CAMSAP3: variants seen among roughly 807,000 people sequenced by gnomAD.
CAMSAP3 encodes the protein calmodulin regulated spectrin associated protein family member 3, also known as calmodulin-regulated spectrin-associated protein 3.
Under a neutral mutation model 112.5 loss-of-function variants are expected in CAMSAP3, and 34 were observed. The ratio of observed to expected loss-of-function variants is 0.30; its 90% CI spans 0.23 to 0.40. The LOEUF (loss-of-function observed/expected upper bound fraction) is 0.40, where lower values mean the gene tolerates loss of function less well. Ranked by LOEUF, CAMSAP3 falls within the 10% of genes least tolerant of loss-of-function variation. CAMSAP3 has a pLI of 1.00. For missense variants in CAMSAP3, 1,602 were observed against 1,770.3 expected, an observed-to-expected ratio of 0.90 and a Z score of 1.71; for synonymous variants, 868 against 799.8, an observed-to-expected ratio of 1.09 and a Z score of -1.44.
At chr19:7,614,341 GTTTTC>G (rs2030671001) in intron 11 of CAMSAP3, among the ~76,000 whole-genome samples, 1 of 113,878 alleles carries the variant, frequency 8.8e-6, no homozygotes, top group Non-Finnish European at 1.9e-5. Flanking sequence ...TTTTTGTTTT[GTTTTC>G]TTTTGTTTTT....
intron 1 of CAMSAP3, among the ~76,000 whole-genome samples, chr19:7,604,297 G>A (rs375135251): frequency 1.3e-5 from 2 of 152,028 alleles, no homozygotes; most frequent in African/African-American, 4.8e-5. Context: ...TCCACCTGGG[G>A]CTTCCTCACG....
intron 1 of CAMSAP3, among the ~76,000 whole-genome samples, chr19:7,596,621 T>TCGAG (rs1240623985): frequency 2.0e-5 from 3 of 152,010 alleles, no homozygotes; most frequent in African/African-American, 7.2e-5. Flanking sequence ...CTGGGGGGTC[T>TCGAG]CGAGCGCTCC....
At position 7,617,550 on chromosome 19, in the gene CAMSAP3, G is replaced by T. The variant is rs527872774; in HGVS notation, c.3333G>T (p.Arg1111=). 14 of 1,614,048 alleles carry T rather than the reference G, an allele frequency of 8.7e-6. No homozygotes were observed. In the African/African-American group the frequency reaches 1.7e-4, roughly 20 times the overall value. ...CACTGCCTCACCCTCTAGGTCCACG[G>T]CTGTACAAAGAACCCAGCGCCAAGT... ...PASVPEYTGP[R]LYKEPSAKSN... Residue 1111 remains arginine (R), a synonymous_variant, in exon 16 of 17, where the codon CGG becomes CGT. Coordinates refer to ENST00000160298, the MANE Select transcript of CAMSAP3 (RefSeq NM_020902.2). The surrounding 1 kb of genome is among the most constrained non-coding windows in gnomAD (Gnocchi z 7.5).
chr19:7,607,133 CCTT>C lies in CAMSAP3; in HGVS notation c.621+563_621+565del. Among the ~76,000 whole-genome samples, 1 of 152,278 alleles carries C rather than the reference CCTT, an allele frequency of 6.6e-6. No individual in the cohort carries two copies. The highest frequency in any genetic ancestry group is 1.5e-5 in the Non-Finnish European group (1 of 68,020). On this transcript the variant is annotated intron_variant, in intron 4 of 16. Coordinates refer to ENST00000160298, the MANE Select transcript of CAMSAP3 (RefSeq NM_020902.2). The surrounding 1 kb of genome is among the most constrained non-coding windows in gnomAD (Gnocchi z 4.9). ...GGGTGGGACCCCCTGAACCTGTCCCCCTTAGCCGAGGTGGGGAGACCACATAAA... is the reference window on the plus strand; with the variant it reads ...GGGTGGGACCCCCTGAACCTGTCCCCAGCCGAGGTGGGGAGACCACATAAA...
chr19:7,611,206 C>A lies in CAMSAP3; in HGVS notation c.1123+38C>A. 1 of 1,598,636 alleles carries A rather than the reference C, an allele frequency of 6.3e-7. No individual in the cohort carries two copies. Among genetic ancestry groups the A allele is most frequent in the South Asian group, 1.1e-5 (1 of 90,586 alleles). ...TAGGTGGCTTCTGTCACGGGGGACCCCCCCACTCACAGACTGCCCCAGTGG... is the reference window on the plus strand; with the variant it reads ...TAGGTGGCTTCTGTCACGGGGGACCACCCCACTCACAGACTGCCCCAGTGG... On this transcript the variant is annotated intron_variant, in intron 9 of 16. Transcript: ENST00000160298. This position sits in a 1 kb window ranked among gnomAD's most constrained non-coding sequence, Gnocchi z 6.9.
intron 1 of CAMSAP3, among the ~76,000 whole-genome samples, chr19:7,602,400 T>C (rs898170898): frequency 1.3e-5 from 2 of 152,140 alleles, no homozygotes; most frequent in Admixed American, 6.5e-5. Flanking sequence ...TTGTTTCTTG[T>C]TTTTCATCTT....
rs1209949466 is a variant in CAMSAP3 at position 7,607,812 on chromosome 19, TC to T, written c.622-308del. ...TCCCCCTTGCTGATGGCTGCTCCTC[TC>T]CCCCCAGCACGCAATTGCCTTCTGT... On this transcript the variant is annotated intron_variant, in intron 4 of 16. Coordinates refer to ENST00000160298, the MANE Select transcript of CAMSAP3 (RefSeq NM_020902.2). The surrounding 1 kb of genome is among the most constrained non-coding windows in gnomAD (Gnocchi z 4.9). 57 of 1,284,758 alleles carry T rather than the reference TC, an allele frequency of 4.4e-5. No individual in the cohort carries two copies. Among genetic ancestry groups the T allele is most frequent in the Non-Finnish European group, 5.5e-5 (52 of 947,474 alleles). The allele number at this position is 1,284,758 out of a possible 1,614,324, so 79.6% of individuals were successfully genotyped here. A position where few individuals can be genotyped will look rare whatever the true frequency, so the allele number is the denominator to read the frequency against.
At position 7,607,514 on chromosome 19, in the gene CAMSAP3, C is replaced by A. The variant is rs1599352132; in HGVS notation, c.622-612C>A. Among the ~76,000 whole-genome samples the A allele has an allele frequency of 6.6e-6, 1 of 152,198 alleles. No homozygotes were observed. The highest frequency in any genetic ancestry group is 2.1e-4 in the South Asian group (1 of 4,838). ...CCCCACCTTTGCTCACTCCTTCCCC[C>A]ACCCTGGGGCCTGGGTTGGGAGGTT... On this transcript the variant is annotated intron_variant, in intron 4 of 16. Coordinates refer to ENST00000160298, the MANE Select transcript of CAMSAP3 (RefSeq NM_020902.2). The surrounding 1 kb of genome is among the most constrained non-coding windows in gnomAD (Gnocchi z 4.9).
At position 7,607,988 on chromosome 19, in the gene CAMSAP3, G is replaced by A. The variant is rs1003748216; in HGVS notation, c.622-138G>A. The A allele has an allele frequency of 2.8e-5, 30 of 1,053,706 alleles. No individual in the cohort carries two copies. The African/African-American group carries it at 4.2e-4, about 15-fold the overall frequency. 65.3% of individuals were successfully genotyped at this position (1,053,706 alleles called of 1,614,324 possible). ...GCTGCCCCTCCCCTGCTCCAGGCTG[G>A]CCCCCCAACTCTGTCTCTGGGACCC... On this transcript the variant is annotated intron_variant, in intron 4 of 16. Transcript: ENST00000160298. This position sits in a 1 kb window ranked among gnomAD's most constrained non-coding sequence, Gnocchi z 4.9.
chr19:7,616,946 T>TTTTG (rs2030831275), intron 14 of CAMSAP3, among the ~76,000 whole-genome samples: 1 of 130,948 alleles, frequency 7.6e-6, no homozygotes. Flanking sequence ...TTTTTTTTTT[T>TTTTG]TTTTTTTTTT....
chr19:7,603,786 T>C (rs1246243023), intron 1 of CAMSAP3, among the ~76,000 whole-genome samples: 2 of 152,018 alleles, frequency 1.3e-5, no homozygotes, highest in African/African-American at 4.8e-5. Flanking sequence ...AGAGTTCAGG[T>C]TGCAGTGAGC....
In CAMSAP3 at chr19:7,596,044, G is replaced by T. The variant is rs2024430306; in HGVS notation, c.42G>T (p.Arg14Ser). Residue 14 changes from arginine to serine, a missense_variant, in exon 1 of 17, where the codon AGG (arginine) becomes AGT (serine). Physicochemically the swap from Arg to Ser is moderately radical, Grantham distance 110 (BLOSUM62 -1). Around this residue, in one of 6 missense-constraint regions of CAMSAP3, gnomAD observed 147 missense variants for 144.6 expected, o/e 1.02. Coordinates refer to ENST00000160298, the MANE Select transcript of CAMSAP3 (RefSeq NM_020902.2). ...AAPPGPGPLR[R>S]TFLVPEIKSL... is the part of the protein sequence containing the mutation. ...CCCCCGGGCCCGGGCCGCTGCGGAG[G>T]ACCTTTCTAGTGCCCGAGATCAAGT... 1.6e-6 allele frequency: 2 copies of T among 1,255,658 alleles called. No homozygotes were observed. Among genetic ancestry groups the T allele is most frequent in the Non-Finnish European group, 2.1e-6 (2 of 973,166 alleles). The allele number at this position is 1,255,658 out of a possible 1,614,324, so 77.8% of individuals were successfully genotyped here.
intron 2 of CAMSAP3, 121 bp from the exon 3 acceptor site, chr19:7,606,150 A>AACCCCCCCCC: frequency 1.1e-5 from 3 of 265,230 alleles, no homozygotes; most frequent in South Asian, 3.3e-5. Flanking sequence ...CGCCCCCTCA[A>AACCCCCCCCC]GCCCCACCCC....
At chr19:7,600,597 C>A (rs1469919624) in intron 1 of CAMSAP3, among the ~76,000 whole-genome samples, 1 of 35,472 alleles carries the variant, frequency 2.8e-5, no homozygotes, top group African/African-American at 1.3e-4. Flanking sequence ...CATCCATCCA[C>A]CAACCCACCC....
chr19:7,601,132 C>G (rs2029947934), intron 1 of CAMSAP3, among the ~76,000 whole-genome samples: 1 of 152,038 alleles, frequency 6.6e-6, no homozygotes, highest in African/African-American at 2.4e-5. Flanking sequence ...GGTCCAAAAA[C>G]AAACAACAAA....
At position 7,611,675 on chromosome 19, in the gene CAMSAP3, C is replaced by A; in HGVS notation, c.1194-12C>A. On this transcript the variant is annotated splice_polypyrimidine_tract_variant and intron_variant, in intron 10 of 16. Transcript: ENST00000160298. This position sits in a 1 kb window ranked among gnomAD's most constrained non-coding sequence, Gnocchi z 6.9. ...TGGTCCCAGGGGCTGACCCCTCCCT[C>A]CGGCCGCCCAGCCGTCCCCTCTCCC... The A allele has an allele frequency of 6.4e-7, 1 of 1,565,948 alleles. No individual in the cohort carries two copies.
rs1183169373 is a variant in CAMSAP3 at position 7,607,202 on chromosome 19, C to G, written c.621+631C>G. On this transcript the variant is annotated intron_variant, in intron 4 of 16. Transcript: ENST00000160298. This position sits in a 1 kb window ranked among gnomAD's most constrained non-coding sequence, Gnocchi z 4.9. ...CCTGCAGCCCATCACAAACGTGGATCCTGACCCTAGCAGGCAGGGCACCCT... is the reference window on the plus strand; with the variant it reads ...CCTGCAGCCCATCACAAACGTGGATGCTGACCCTAGCAGGCAGGGCACCCT... Among the ~76,000 whole-genome samples, 2 of 152,124 alleles carry G rather than the reference C, an allele frequency of 1.3e-5. No homozygotes were observed. The highest frequency in any genetic ancestry group is 4.8e-5 in the African/African-American group (2 of 41,424).
chr19:7,604,204 C>G (rs1446145266), intron 1 of CAMSAP3, among the ~76,000 whole-genome samples: 1 of 152,110 alleles, frequency 6.6e-6, no homozygotes, highest in African/African-American at 2.4e-5. Context: ...TTTCAGTCAC[C>G]TCTTCCCCGA....
At position 7,615,738 on chromosome 19, in the gene CAMSAP3, C is replaced by A; in HGVS notation, c.3112+19C>A. The A allele has an allele frequency of 8.8e-7, 1 of 1,133,520 alleles. No individual in the cohort carries two copies. The highest frequency in any genetic ancestry group is 1.1e-6 in the Non-Finnish European group (1 of 920,786). 70.2% of individuals were successfully genotyped at this position (1,133,520 alleles called of 1,614,324 possible). A position where few individuals can be genotyped will look rare whatever the true frequency, so the allele number is the denominator to read the frequency against. Reference sequence around the variant, plus strand: ...CTGCTGGGTGAGGACCCTTGGGGGACGGGGCCTGCCCAGTGCCCTTTCCGG... The same window carrying A: ...CTGCTGGGTGAGGACCCTTGGGGGAAGGGGCCTGCCCAGTGCCCTTTCCGG... On this transcript the variant is annotated intron_variant, in intron 13 of 16. Transcript: ENST00000160298. The surrounding 1 kb of genome is among the most constrained non-coding windows in gnomAD (Gnocchi z 6.5).
Sources: gnomAD v4.1 joint callset for allele counts (sites outside exome capture counted in the v4.1 genomes callset) on GRCh38, gnomAD v4.1.1 for gene constraint, gnomAD v4.1.1 regional missense constraint, Gnocchi (gnomAD v3.1) non-coding constraint, MANE v1.5 for transcripts, NCBI Gene and HGNC (gene_info 2026-07-23, HGNC 2026-07-21) for gene names.